Variants in PLCB2 observed in about 807,000 individuals in gnomAD.
The protein encoded by PLCB2 is 1-phosphatidylinositol 4,5-bisphosphate phosphodiesterase beta-2.
A neutral mutation model predicts 141.7 loss-of-function variants in PLCB2; 115 were observed. The observed-to-expected ratio is 0.81, with a 90% CI of 0.70 to 0.95. PLCB2 has a LOEUF of 0.95. Among genes scored for constraint, PLCB2 ranks in the 40% least tolerant of loss-of-function variants. PLCB2 has a pLI of 0.00. For synonymous variants in PLCB2, 603 were observed against 595.6 expected, an observed-to-expected ratio of 1.01 and a Z score of -0.18; for missense variants, 1,403 against 1,541.1, an observed-to-expected ratio of 0.91 and a Z score of 1.50.
rs758694498 is a variant in PLCB2, at chr15:40,299,174, T to C, written c.637A>G (p.Met213Val). 2.3e-5 allele frequency: 37 copies of C among 1,613,932 alleles called. No individual in the cohort carries two copies. The highest frequency in any genetic ancestry group is 2.7e-5 in the Non-Finnish European group (32 of 1,179,900). The change falls in exon 8 of 32, where the codon ATG (methionine) becomes GTG (valine). Residue 213 changes from methionine (M) to valine (V), a missense_variant. Coordinates refer to ENST00000260402, the MANE Select transcript of PLCB2 (RefSeq NM_004573.3). ...FPEPVYKSFL[M>V]SLCPRPEIDE... Reference sequence around the variant, plus strand: ...ATTTCTGGCCGAGGACAGAGGCTCATGAGGAAACTCTTGTAGACAGGTTCT... The same window carrying C: ...ATTTCTGGCCGAGGACAGAGGCTCACGAGGAAACTCTTGTAGACAGGTTCT...
At position 40,299,169 on chromosome 15, in the gene PLCB2, G is replaced by A. The variant is rs753790431; in HGVS notation, c.642C>T (p.Ser214=). Residue 214 remains serine (S), a synonymous_variant, in exon 8 of 32, where the codon AGC becomes AGT. Transcript: ENST00000260402. ...CATCTATTTCTGGCCGAGGACAGAG[G>A]CTCATGAGGAAACTCTTGTAGACAG... The part of the protein sequence containing the change: ...PEPVYKSFLM[S]LCPRPEIDEI... 6 of 1,613,796 alleles carry A rather than the reference G, an allele frequency of 3.7e-6. No homozygotes were observed. In the South Asian group the frequency reaches 5.5e-5, roughly 15 times the overall value.
rs893835836 is a variant in PLCB2, at chr15:40,291,014, C to T, written c.3036+4G>A. On this transcript the variant is annotated splice_donor_region_variant and intron_variant, in intron 27 of 31. Transcript: ENST00000260402. ...GGGGTTGTCGCCCTGCCCCTCCCGG[C>T]CACCTCGGCCACGTGCTGCTCCTTG... 5 of 1,590,422 alleles carry T rather than the reference C, an allele frequency of 3.1e-6. No individual in the cohort carries two copies. In the Middle Eastern group the frequency reaches 7.8e-4, roughly 249 times the overall value.
intron 7 of PLCB2, chr15:40,301,064 G>A (rs774979999): frequency 4.5e-5 from 7 of 157,020 alleles, no homozygotes; most frequent in Non-Finnish European, 9.9e-5. Context: ...TAGGGGAGCC[G>A]CAGGAGCCCA....
intron 20 of PLCB2, 34 bp downstream of exon 20, chr15:40,293,526 G>A (rs767506916): frequency 6.2e-7 from 1 of 1,604,998 alleles, no homozygotes; most frequent in Admixed American, 1.7e-5. Context: ...CCAAGAACTA[G>A]ACAGACTCTG....
intron 11 of PLCB2, 68 bp from the exon 12 acceptor site, chr15:40,298,027 T>C: frequency 7.8e-7 from 1 of 1,289,126 alleles, no homozygotes; most frequent in Non-Finnish European, 1.1e-6. Context: ...GATAGCACTT[T>C]TCCCCCCTGC....
Position 40,290,085 on chromosome 15 carries a change from GT to G in PLCB2, c.3210-4del. 1.9e-6 allele frequency: 3 copies of G among 1,602,028 alleles called. No homozygotes were observed. Among genetic ancestry groups the G allele is most frequent in the Non-Finnish European group, 2.6e-6 (3 of 1,169,168 alleles). Reference sequence around the variant, plus strand: ...AGTTGTTAATCTCTCTCTTCAACCTGTTGGTGTAATTGGAGTTTTAGAAAAG... The same window carrying G: ...AGTTGTTAATCTCTCTCTTCAACCTGTGGTGTAATTGGAGTTTTAGAAAAG... On this transcript the variant is annotated splice_region_variant and splice_polypyrimidine_tract_variant and intron_variant, in intron 29 of 31. Transcript: ENST00000260402.
Position 40,298,721 on chromosome 15 carries a change from A to C in PLCB2, c.851-13T>G. The C allele has an allele frequency of 6.2e-7, 1 of 1,613,628 alleles. No individual in the cohort carries two copies. The highest frequency in any genetic ancestry group is 8.5e-7 in the Non-Finnish European group (1 of 1,179,558). ...GGTGACAGCTGGCCTGGGGGACAGGAGATAGCTGTCAGGCTACAACCCCGC... is the reference window on the plus strand; with the variant it reads ...GGTGACAGCTGGCCTGGGGGACAGGCGATAGCTGTCAGGCTACAACCCCGC... On this transcript the variant is annotated splice_polypyrimidine_tract_variant and intron_variant, in intron 9 of 31. Transcript: ENST00000260402.
chr15:40,294,589 T>C (rs1328870773), intron 18 of PLCB2, among the ~76,000 whole-genome samples, 169 bp from the exon 19 acceptor site: 6 of 152,100 alleles, frequency 3.9e-5, no homozygotes, highest in African/African-American at 1.4e-4. Flanking sequence ...TCTCCTCTCT[T>C]AGGCAGGGTC....
chr15:40,294,392 T>TA lies in PLCB2; in HGVS notation c.1934dup (p.Phe646IlefsTer2). 6.2e-7 allele frequency: 1 copy of TA among 1,614,192 alleles called. No individual in the cohort carries two copies. The highest frequency in any genetic ancestry group is 8.5e-7 in the Non-Finnish European group (1 of 1,180,028). On this transcript the variant is annotated frameshift_variant, in exon 19 of 32. Transcript: ENST00000260402. LOFTEE classifies it high-confidence loss of function. ...AGCCGCTCTGCCCGTTGAACTCAAA[T>TA]ACTGCCATGTTCTGCTGCATGGGCA...
Position 40,288,657 on chromosome 15 carries a change from C to T in PLCB2, c.*58G>A, listed in dbSNP as rs989296684. On this transcript the variant is annotated 3_prime_UTR_variant, in exon 32 of 32. Transcript: ENST00000260402. ...GCTCCTTTTTCCTGGGGGAATAGAA[C>T]CACATCCCAGAGAAGGGGCTGAACC... The T allele has an allele frequency of 5.4e-6, 8 of 1,478,202 alleles. No homozygotes were observed. Among genetic ancestry groups the T allele is most frequent in the Non-Finnish European group, 7.2e-6 (8 of 1,111,418 alleles). 91.6% of individuals were successfully genotyped at this position (1,478,202 alleles called of 1,614,324 possible).
In PLCB2 at chr15:40,290,839, T is replaced by C. The variant is rs1309169691; in HGVS notation, c.3037-2A>G. 1.2e-6 allele frequency: 2 copies of C among 1,606,724 alleles called. No individual in the cohort carries two copies. The highest frequency in any genetic ancestry group is 2.3e-5 in the East Asian group (1 of 44,310). On this transcript the variant is annotated splice_acceptor_variant, in intron 27 of 31. Coordinates refer to ENST00000260402, the MANE Select transcript of PLCB2 (RefSeq NM_004573.3). LOFTEE classifies it high-confidence loss of function. ...CAGCTCCATCATTTTGGAGATTTGC[T>C]GCAGGGAGAGGAAGTAAGCTTGGCG...
In PLCB2 at chr15:40,290,676, C is replaced by CAG. The variant is rs1566870893; in HGVS notation, c.3114-6_3114-5dup. 1 of 1,613,602 alleles carries CAG rather than the reference C, an allele frequency of 6.2e-7. No individual in the cohort carries two copies. Among genetic ancestry groups the CAG allele is most frequent in the Admixed American group, 1.7e-5 (1 of 60,016 alleles). ...TTTCTTCATCTCTTTGGTGTCGCTG[C>CAG]AGAGAGACAGGCATGAAGGAGCTGT... On this transcript the variant is annotated splice_region_variant and splice_polypyrimidine_tract_variant and intron_variant, in intron 28 of 31. Coordinates refer to ENST00000260402, the MANE Select transcript of PLCB2 (RefSeq NM_004573.3).
At position 40,303,985 on chromosome 15, in the gene PLCB2, A is replaced by C. The variant is rs367661764; in HGVS notation, c.162+16T>G. On this transcript the variant is annotated intron_variant, in intron 2 of 31. Transcript: ENST00000260402. ...AAGCAGGAGTCCAGGGCCATGGCACACAAGGGTTTTCTCACCTTACTTTGA... is the reference window on the plus strand; with the variant it reads ...AAGCAGGAGTCCAGGGCCATGGCACCCAAGGGTTTTCTCACCTTACTTTGA... The C allele has an allele frequency of 2.6e-6, 4 of 1,544,142 alleles. No individual in the cohort carries two copies. Among genetic ancestry groups the C allele is most frequent in the Non-Finnish European group, 3.5e-6 (4 of 1,132,634 alleles).
At chr15:40,284,836 CAAAAAAAAAAAAA>C (rs56397946), downstream of PLCB2, among the ~76,000 whole-genome samples, 1,234 of 74,916 alleles carry the variant, frequency 0.016, 33 homozygotes, top group African/African-American at 0.079. Context: ...GAGACTCCGT[CAAAAAAAAAAAAA>C]AAAAAAAAAA....
At position 40,291,914 on chromosome 15, in the gene PLCB2, G is replaced by C. The variant is rs2039957641; in HGVS notation, c.2537C>G (p.Pro846Arg). The change falls in exon 24 of 32, where the codon CCA (proline) becomes CGA (arginine). Residue 846 changes from proline to arginine, a missense_variant. By Grantham distance (103) the Pro-to-Arg change is moderately radical. Coordinates refer to ENST00000260402, the MANE Select transcript of PLCB2 (RefSeq NM_004573.3). ...CTGGCTGGCAACTGGACTCGCCAGT[G>C]GGAAGGGCTTCTGTGTAGGGAGAGC... ...AMGGLPEKPF[P>R]LASPVASQVN... is the part of the protein sequence containing the mutation. 1.2e-6 allele frequency: 2 copies of C among 1,614,066 alleles called. No homozygotes were observed. The highest frequency in any genetic ancestry group is 2.7e-5 in the African/African-American group (2 of 74,952).
intron 2 of PLCB2, among the ~76,000 whole-genome samples, chr15:40,303,665 G>T (rs115065573): frequency 2.8e-4 from 42 of 152,124 alleles, no homozygotes; most frequent in African/African-American, 9.9e-4. Context: ...CCGTCCTCCT[G>T]CCCAGAGGCT....
In PLCB2 at chr15:40,297,382, G is replaced by C. The variant is rs1172738533; in HGVS notation, c.1323+139C>G. 1 of 714,334 alleles carries C rather than the reference G, an allele frequency of 1.4e-6. No individual in the cohort carries two copies. The highest frequency in any genetic ancestry group is 2.5e-6 in the Non-Finnish European group (1 of 392,696). The allele number at this position is 714,334 out of a possible 1,614,324, so 44.2% of individuals were successfully genotyped here. On this transcript the variant is annotated intron_variant, in intron 13 of 31. Transcript: ENST00000260402. The surrounding 1 kb of genome is among the most constrained non-coding windows in gnomAD (Gnocchi z 4.2). ...CCAGCCCAGTGCCTGACACACGGAA[G>C]GTGACAGGATCCCAGACCCGCATCT...
rs2039883558 is a variant in PLCB2, at chr15:40,291,147, C to T, written c.2907G>A (p.Pro969=). 1 of 1,571,030 alleles carries T rather than the reference C, an allele frequency of 6.4e-7. No homozygotes were observed. Among genetic ancestry groups the T allele is most frequent in the Non-Finnish European group, 8.6e-7 (1 of 1,166,196 alleles). The change falls in exon 27 of 32, where the codon CCG becomes CCA. Residue 969 remains proline (P), a synonymous_variant. Coordinates refer to ENST00000260402, the MANE Select transcript of PLCB2 (RefSeq NM_004573.3). ...CGTCCACGCCCTCAGGGCCCTCGCCCGGCGCGGCTCCGGCGCTCTCCTCGC... is the reference window on the plus strand; with the variant it reads ...CGTCCACGCCCTCAGGGCCCTCGCCTGGCGCGGCTCCGGCGCTCTCCTCGC... ...LPREESAGAA[P]GEGPEGVDGR... is the part of the protein sequence containing the mutation.
In PLCB2 at chr15:40,298,894, A is replaced by G. The variant is rs868464274; in HGVS notation, c.754T>C (p.Ser252Pro). The G allele has an allele frequency of 1.9e-6, 3 of 1,611,292 alleles. No individual in the cohort carries two copies. The African/African-American group carries it at 4.0e-5, about 22-fold the overall frequency. The change falls in exon 9 of 32, where the codon TCC becomes CCC. Residue 252 changes from serine (S) to proline (P), a missense_variant. By Grantham distance (74) the Ser-to-Pro change is moderately conservative. Coordinates refer to ENST00000260402, the MANE Select transcript of PLCB2 (RefSeq NM_004573.3). Reference protein sequence around the residue: ...TKFINQKQRDSRLNSLLFPPA... With the variant: ...TKFINQKQRDPRLNSLLFPPA... The stretch of plus-strand genomic sequence containing the variant: ...GGGAACAGCAGGGAGTTAAGCCGGG[A>G]GTCCCGCTGTTTCTGGTTGATGAAT...
Sources: gnomAD v4.1 joint callset for allele counts (sites outside exome capture counted in the v4.1 genomes callset) on GRCh38, gnomAD v4.1.1 for gene constraint, Gnocchi (gnomAD v3.1) non-coding constraint, MANE v1.5 for transcripts, NCBI Gene and HGNC (gene_info 2026-07-23, HGNC 2026-07-21) for gene names.